The following FBXW4 variants were observed in gnomAD, a reference collection of about 807,000 sequenced individuals.
FBXW4 encodes F-box and WD repeat domain containing 4.
A neutral mutation model predicts 61.8 loss-of-function variants in FBXW4; 40 were observed. That is an observed-to-expected ratio of 0.65 (90% confidence interval 0.50 to 0.84). The LOEUF is 0.84. Among genes scored for constraint, FBXW4 ranks in the 40% least tolerant of loss-of-function variants. The pLI, the probability that FBXW4 is intolerant of heterozygous loss-of-function variation, is 0.00. For missense variants in FBXW4, 672 were observed against 753.8 expected (o/e 0.89, Z 1.27); for synonymous variants, 311 against 313.8 (o/e 0.99, Z 0.10).
intron 6 of FBXW4, among the ~76,000 whole-genome samples, chr10:101,619,677 G>C (rs943654911): frequency 2.4e-4 from 36 of 151,234 alleles, no homozygotes; most frequent in African/African-American, 8.3e-4. Context: ...AAAAAAAGAA[G>C]AGGAAGGGGG....
intron 5 of FBXW4, among the ~76,000 whole-genome samples, chr10:101,657,570 G>T (rs2064198647): frequency 7.4e-6 from 1 of 134,470 alleles, no homozygotes; most frequent in Admixed American, 8.6e-5. Context: ...GGAGGTGGAA[G>T]TTGCAGTGAG....
chr10:101,639,053 T>C (rs2064028322), intron 5 of FBXW4, among the ~76,000 whole-genome samples: 1 of 152,104 alleles, frequency 6.6e-6, no homozygotes, highest in Non-Finnish European at 1.5e-5. Context: ...TGTAGAGGAG[T>C]GCCAGCAGCA....
intron 1 of FBXW4, among the ~76,000 whole-genome samples, chr10:101,680,865 T>C (rs551165440): frequency 6.6e-6 from 1 of 152,338 alleles, no homozygotes; most frequent in African/African-American, 2.4e-5. Flanking sequence ...CAAAGATATT[T>C]ATAGCTGCAG....
At chr10:101,684,372 C>T (rs1052410222) in intron 1 of FBXW4, among the ~76,000 whole-genome samples, 4 of 152,132 alleles carry the variant, frequency 2.6e-5, no homozygotes, top group East Asian at 1.9e-4. Flanking sequence ...GTGATCCACC[C>T]GCCTTAGCCT....
intron 5 of FBXW4, among the ~76,000 whole-genome samples, chr10:101,666,201 C>CT (rs1407957116): frequency 6.6e-6 from 1 of 152,196 alleles, no homozygotes. Flanking sequence ...TTCCTTCCCT[C>CT]TTTCCTACGA....
intron 5 of FBXW4, among the ~76,000 whole-genome samples, chr10:101,651,843 A>G (rs1190413821): frequency 6.6e-6 from 1 of 152,094 alleles, no homozygotes; most frequent in Non-Finnish European, 1.5e-5. Flanking sequence ...AACAAGGAAA[A>G]TCGGCTGGCC....
At chr10:101,646,079 T>C (rs940585710) in intron 5 of FBXW4, among the ~76,000 whole-genome samples, 9 of 152,220 alleles carry the variant, frequency 5.9e-5, no homozygotes, top group African/African-American at 2.2e-4. Context: ...ATTATTGTGA[T>C]CATCACTGGC....
intron 6 of FBXW4, among the ~76,000 whole-genome samples, chr10:101,622,527 A>G (rs1470487687): frequency 6.6e-6 from 1 of 152,060 alleles, no homozygotes; most frequent in African/African-American, 2.4e-5. Flanking sequence ...GGAGATCGAG[A>G]CCATCCTGGC....
chr10:101,652,814 C>T (rs2064155606), intron 5 of FBXW4, among the ~76,000 whole-genome samples: 1 of 152,150 alleles, frequency 6.6e-6, no homozygotes, highest in South Asian at 2.1e-4. Context: ...CTCATTTGTC[C>T]ACCATCTACT....
intron 5 of FBXW4, 133 bp from the exon 6 acceptor site, chr10:101,624,943 G>T: frequency 1.1e-6 from 1 of 929,712 alleles, no homozygotes; most frequent in Non-Finnish European, 1.7e-6. Context: ...AGTGGCCAAG[G>T]GAGCCATCAG....
chr10:101,657,057 GCA>G (rs1427131986), intron 5 of FBXW4, among the ~76,000 whole-genome samples: 1 of 152,168 alleles, frequency 6.6e-6, no homozygotes, highest in African/African-American at 2.4e-5. Flanking sequence ...GCTTCTGCAT[GCA>G]CATAGTCACT....
intron 1 of FBXW4, among the ~76,000 whole-genome samples, chr10:101,681,399 AAT>A (rs1491139143): frequency 0.027 from 3,138 of 116,286 alleles, 116 homozygotes; most frequent in African/African-American, 0.08. Flanking sequence ...AAAAAAAAAA[AAT>A]AATAATAATA....
Position 101,629,760 on chromosome 10 carries a change from A to G in FBXW4, c.1236-4950T>C, listed in dbSNP as rs188328726. ...GTTCTCATGTGGGCTACACTTCAAG[A>G]GTTAGTCTTGTTTGAATCTCCAGCA... is the stretch of plus-strand genomic sequence containing the variant. On this transcript the variant is annotated intron_variant, in intron 5 of 8. Coordinates refer to ENST00000331272, the MANE Select transcript of FBXW4 (RefSeq NM_022039.4). 5.2e-4 allele frequency among the ~76,000 whole-genome samples: 79 copies of G among 151,758 alleles called. 1 individual carries two copies. The East Asian group carries it at 0.015, about 29-fold the overall frequency.
intron 7 of FBXW4, 48 bp downstream of exon 7, chr10:101,612,289 A>ATTGGTGCAGGGCCCCCACCACCTGTCC: frequency 6.8e-7 from 1 of 1,474,406 alleles, no homozygotes; most frequent in Non-Finnish European, 9.0e-7. Context: ...AAGGACCAGG[A>ATTGGTGCAGGGCCCCCACCACCTGTCC]TTGGTGCAGG....
chr10:101,621,420 TG>T (rs1220561168), intron 6 of FBXW4, among the ~76,000 whole-genome samples: 2 of 152,062 alleles, frequency 1.3e-5, no homozygotes, highest in East Asian at 3.9e-4. Context: ...CCTAACTACT[TG>T]GGAGGCTGAG....
At chr10:101,628,026 C>T (rs535251102) in intron 5 of FBXW4, 9 of 977,162 alleles carry the variant, frequency 9.2e-6, no homozygotes, top group Non-Finnish European at 8.5e-6. Context: ...ACCAGATTCT[C>T]GTCACATCCC....
At chr10:101,674,461 T>C (rs2064389068) in intron 2 of FBXW4, among the ~76,000 whole-genome samples, 2 of 152,170 alleles carry the variant, frequency 1.3e-5, no homozygotes, top group Non-Finnish European at 1.5e-5. Flanking sequence ...TCTTCCGCAA[T>C]AGATCAGTTA....
At position 101,634,424 on chromosome 10, in the gene FBXW4, C is replaced by A. The variant is rs117737803; in HGVS notation, c.1236-9614G>T. Among the ~76,000 whole-genome samples the A allele has an allele frequency of 3.5e-4, 52 of 149,058 alleles. No homozygotes were observed. The East Asian group carries it at 9.4e-3, about 27-fold the overall frequency. On this transcript the variant is annotated intron_variant, in intron 5 of 8. Coordinates refer to ENST00000331272, the MANE Select transcript of FBXW4 (RefSeq NM_022039.4). The stretch of plus-strand genomic sequence containing the variant: ...AAGATTTTTACTTAATCAATTGATT[C>A]TAAAATTCATCTAGAAGAGGAAAAC...
chr10:101,640,541 G>A (rs2064042801), intron 5 of FBXW4, among the ~76,000 whole-genome samples: 1 of 124,158 alleles, frequency 8.1e-6, no homozygotes, highest in African/African-American at 3.0e-5. Context: ...GCCCAGGCTG[G>A]AGTGCAGTGG....
Sources: gnomAD v4.1 joint callset for allele counts (sites outside exome capture counted in the v4.1 genomes callset) on GRCh38, gnomAD v4.1.1 for gene constraint, MANE v1.5 for transcripts, NCBI Gene and HGNC (gene_info 2026-07-23, HGNC 2026-07-21) for gene names.